RARG: variants seen among roughly 807,000 people sequenced by gnomAD.
RARG encodes retinoic acid receptor gamma, also known as RAR-gamma.
Under a neutral mutation model 43.7 loss-of-function variants are expected in RARG, and 17 were observed. That is an observed-to-expected ratio of 0.39 (90% confidence interval 0.27 to 0.58). The LOEUF is 0.58. RARG is among the 20% of genes least tolerant of loss of function. RARG has a pLI of 0.57. For synonymous variants in RARG, 238 were observed against 236.4 expected (o/e 1.01, Z -0.06); for missense variants, 346 against 598.7 (o/e 0.58, Z 4.40).
chr12:53,219,238 C>A (rs1565724480), intron 3 of RARG, among the ~76,000 whole-genome samples: 1 of 152,224 alleles, frequency 6.6e-6, no homozygotes, highest in Non-Finnish European at 1.5e-5. Flanking sequence ...AAAAAGTAAT[C>A]TCTGCATATA....
At chr12:53,218,767 C>T (rs1324333746) in intron 3 of RARG, among the ~76,000 whole-genome samples, 3 of 152,148 alleles carry the variant, frequency 2.0e-5, no homozygotes, top group Non-Finnish European at 4.4e-5. Flanking sequence ...GGTGACCTGG[C>T]GTGCGCACTC....
chr12:53,213,369 G>A lies in RARG; in HGVS notation c.1019-126C>T. The A allele has an allele frequency of 6.8e-7, 1 of 1,478,016 alleles. No individual in the cohort carries two copies. Among genetic ancestry groups the A allele is most frequent in the African/African-American group, 1.4e-5 (1 of 72,048 alleles). The allele number at this position is 1,478,016 out of a possible 1,614,324, so 91.6% of individuals were successfully genotyped here. Reference sequence around the variant, plus strand: ...AGGGTTTCAGAACTCTCTGGATGGGGCCAGGTGCAAGAATTACCAGCAGAA... The same window carrying A: ...AGGGTTTCAGAACTCTCTGGATGGGACCAGGTGCAAGAATTACCAGCAGAA... On this transcript the variant is annotated intron_variant, in intron 8 of 9. Transcript: ENST00000425354. The surrounding 1 kb of genome is among the most constrained non-coding windows in gnomAD (Gnocchi z 4.7).
intron 9 of RARG, among the ~76,000 whole-genome samples, chr12:53,212,774 ACACACATACT>A (rs1456621754): frequency 2.0e-5 from 3 of 150,044 alleles, no homozygotes; most frequent in African/African-American, 7.6e-5. Flanking sequence ...ACACACACAC[ACACACATACT>A]TGGAATTGTG....
chr12:53,215,351 C>T lies in RARG; in HGVS notation c.417G>A (p.Arg139=). The change falls in exon 5 of 10, where the codon AGG becomes AGA. Residue 139 remains arginine, a synonymous_variant. Transcript: ENST00000425354. The surrounding 1 kb of genome is among the most constrained non-coding windows in gnomAD (Gnocchi z 6.4). ...GTAGCCGGCAGTACTGGCAGCGATTCCTGGTCACCTTGTTGATGATACAGT... is the reference window on the plus strand; with the variant it reads ...GTAGCCGGCAGTACTGGCAGCGATTTCTGGTCACCTTGTTGATGATACAGT... ...DKNCIINKVT[R]NRCQYCRLQK... is the part of the protein sequence containing the mutation. The T allele has an allele frequency of 6.2e-7, 1 of 1,614,122 alleles. No individual in the cohort carries two copies. Among genetic ancestry groups the T allele is most frequent in the Non-Finnish European group, 8.5e-7 (1 of 1,180,006 alleles).
At chr12:53,218,263 G>A (rs1942834638) in intron 3 of RARG, among the ~76,000 whole-genome samples, 1 of 152,090 alleles carries the variant, frequency 6.6e-6, no homozygotes, top group South Asian at 2.1e-4. Context: ...GTGTGTGCGG[G>A]CAGGCCTGAA....
intron 3 of RARG, among the ~76,000 whole-genome samples, chr12:53,222,316 A>AG (rs1942996455): frequency 2.0e-5 from 3 of 151,454 alleles, no homozygotes; most frequent in East Asian, 2.0e-4. Flanking sequence ...AGAGAGAGAG[A>AG]AAGAAAGAAC....
At chr12:53,230,879 G>GTA (rs1555182758) in intron 2 of RARG, among the ~76,000 whole-genome samples, 83 of 139,776 alleles carry the variant, frequency 5.9e-4, no homozygotes, top group Middle Eastern at 3.8e-3. Context: ...GTGTGTGTGT[G>GTA]TGTATGTCTG....
At chr12:53,225,279 C>A (rs1424511888) in intron 3 of RARG, among the ~76,000 whole-genome samples, 1 of 152,226 alleles carries the variant, frequency 6.6e-6, no homozygotes, top group Admixed American at 6.5e-5. Context: ...CACCAGCAGG[C>A]TTCACCAAAC....
In RARG at chr12:53,227,668, C is replaced by T. The variant is rs899086746; in HGVS notation, c.-123G>A. ...TCCGTACCCGCCCTGCCTGGCCTGC[C>T]CACTGGGCCTCCAAAAGTCCTAGGG... On this transcript the variant is annotated 5_prime_UTR_variant, in exon 3 of 10. Coordinates refer to ENST00000425354, the MANE Select transcript of RARG (RefSeq NM_000966.6). The surrounding 1 kb of genome is among the most constrained non-coding windows in gnomAD (Gnocchi z 4.3). 2.3e-6 allele frequency: 3 copies of T among 1,323,916 alleles called. No homozygotes were observed. The highest frequency in any genetic ancestry group is 3.1e-5 in the African/African-American group (2 of 65,468). The allele number at this position is 1,323,916 out of a possible 1,614,324, so 82.0% of individuals were successfully genotyped here.
At position 53,227,221 on chromosome 12, in the gene RARG, A is replaced by G. The variant is rs898062225; in HGVS notation, c.184+141T>C. The G allele has an allele frequency of 6.1e-6, 5 of 821,930 alleles. No homozygotes were observed. The African/African-American group carries it at 7.1e-5, about 12-fold the overall frequency. The allele number at this position is 821,930 out of a possible 1,614,324, so 50.9% of individuals were successfully genotyped here. A position where few individuals can be genotyped will look rare whatever the true frequency, so the allele number is the denominator to read the frequency against. On this transcript the variant is annotated intron_variant, in intron 3 of 9. Transcript: ENST00000425354. The surrounding 1 kb of genome is among the most constrained non-coding windows in gnomAD (Gnocchi z 4.3). ...TTCCTCACCACCACTACCACCCTCCATTATTCACTACTACTCCATTAGGCC... is the reference window on the plus strand; with the variant it reads ...TTCCTCACCACCACTACCACCCTCCGTTATTCACTACTACTCCATTAGGCC...
At chr12:53,226,982 C>T (rs756926520) in intron 3 of RARG, among the ~76,000 whole-genome samples, 8 of 152,296 alleles carry the variant, frequency 5.3e-5, no homozygotes, top group Admixed American at 1.3e-4. Context: ...GTTTGGCTCC[C>T]TCCAACTCCC....
chr12:53,222,235 G>GAA (rs977715880), intron 3 of RARG, among the ~76,000 whole-genome samples: 8 of 148,852 alleles, frequency 5.4e-5, no homozygotes, highest in African/African-American at 2.0e-4. Context: ...GAAAGAGAGA[G>GAA]AAAGAAAAGA....
At chr12:53,220,311 G>T in intron 3 of RARG, 1 of 1,414,514 alleles carries the variant, frequency 7.1e-7, no homozygotes, top group Non-Finnish European at 9.2e-7. Flanking sequence ...AGCTGGGGCT[G>T]CCGCTTTAGC....
intron 3 of RARG, among the ~76,000 whole-genome samples, chr12:53,221,209 A>C (rs1465058): frequency 7.0e-6 from 1 of 143,420 alleles, no homozygotes; most frequent in Admixed American, 7.1e-5. Flanking sequence ...TAGCCCGAGC[A>C]GTCCGCCCTC....
Position 53,211,415 on chromosome 12 carries a change from G to C in RARG, c.*261C>G, listed in dbSNP as rs1942583458. On this transcript the variant is annotated 3_prime_UTR_variant, in exon 10 of 10. Coordinates refer to ENST00000425354, the MANE Select transcript of RARG (RefSeq NM_000966.6). The surrounding 1 kb of genome is among the most constrained non-coding windows in gnomAD (Gnocchi z 4.6). ...CCCATGGGGCAGTGCTGAGATTTTA[G>C]AGTCCAAACCCAGGCTCATCCCTTT... 1 of 344,060 alleles carries C rather than the reference G, an allele frequency of 2.9e-6. No individual in the cohort carries two copies. Among genetic ancestry groups the C allele is most frequent in the African/African-American group, 2.1e-5 (1 of 47,326 alleles). The allele number at this position is 344,060 out of a possible 1,614,324, so 21.3% of individuals were successfully genotyped here. A position where few individuals can be genotyped will look rare whatever the true frequency, so the allele number is the denominator to read the frequency against.
At chr12:53,214,261 G>A in intron 6 of RARG, 26 bp from the exon 7 acceptor site, 2 of 1,600,584 alleles carry the variant, frequency 1.2e-6, no homozygotes, top group Non-Finnish European at 8.6e-7. Flanking sequence ...GTAGAAGGTT[G>A]GAAGGCAAGC....
At chr12:53,221,453 A>G (rs1324547488) in intron 3 of RARG, among the ~76,000 whole-genome samples, 1 of 152,130 alleles carries the variant, frequency 6.6e-6, no homozygotes, top group African/African-American at 2.4e-5. Flanking sequence ...TCCCTCGGCA[A>G]TAGGGGCGCT....
chr12:53,214,366 T>G, intron 6 of RARG, 80 bp downstream of exon 6: 2 of 1,560,120 alleles, frequency 1.3e-6, no homozygotes, highest in East Asian at 4.5e-5. Flanking sequence ...CACCAGTCGA[T>G]GATAGCCTCC....
At chr12:53,218,865 C>T (rs1942857793) in intron 3 of RARG, among the ~76,000 whole-genome samples, 1 of 151,790 alleles carries the variant, frequency 6.6e-6, no homozygotes, top group Non-Finnish European at 1.5e-5. Flanking sequence ...GCCGTCCGCA[C>T]CCAGGCAGCG....
Sources: gnomAD v4.1 joint callset for allele counts (sites outside exome capture counted in the v4.1 genomes callset) on GRCh38, gnomAD v4.1.1 for gene constraint, Gnocchi (gnomAD v3.1) non-coding constraint, MANE v1.5 for transcripts, NCBI Gene and HGNC (gene_info 2026-07-23, HGNC 2026-07-21) for gene names.